Variants in SLC12A7 observed in about 807,000 individuals in gnomAD.
The protein encoded by SLC12A7 is solute carrier family 12 member 7.
In SLC12A7, 100 loss-of-function variants were observed where a neutral mutation model predicts 120.6. The observed-to-expected ratio is 0.83, with a 90% CI of 0.71 to 0.98. The LOEUF (loss-of-function observed/expected upper bound fraction) is 0.98, where lower values mean the gene tolerates loss of function less well. Among genes scored for constraint, SLC12A7 ranks in the 50% least tolerant of loss-of-function variants. SLC12A7 has a pLI of 0.00. For synonymous variants in SLC12A7, 760 were observed against 678.0 expected, an observed-to-expected ratio of 1.12 and a Z score of -1.88; for missense variants, 1,373 against 1,548.1, an observed-to-expected ratio of 0.89 and a Z score of 1.90.
intron 1 of SLC12A7, among the ~76,000 whole-genome samples, chr5:1,102,622 C>CG (rs1237048345): frequency 2.0e-5 from 3 of 152,206 alleles, no homozygotes; most frequent in African/African-American, 7.2e-5. Flanking sequence ...AGAGCAGTGG[C>CG]GGGTGGCACC....
At chr5:1,098,778 T>TCTAACCCTCTGCA (rs1741667557) in intron 1 of SLC12A7, among the ~76,000 whole-genome samples, 1 of 26,684 alleles carries the variant, frequency 3.7e-5, no homozygotes, top group African/African-American at 2.1e-4. Context: ...AACCCTCTGC[T>TCTAACCCTCTGCA]CACCCAGCCA....
At chr5:1,140,721 C>T in the SLC12A7 span, among the ~76,000 whole-genome samples, 2 of 152,266 alleles carry the variant, frequency 1.3e-5, no homozygotes. Flanking sequence ...GAGCCCAGGG[C>T]CCCGGGGAGG....
the SLC12A7 span, among the ~76,000 whole-genome samples, chr5:1,127,832 A>G: frequency 2.6e-5 from 4 of 152,318 alleles, no homozygotes; most frequent in African/African-American, 9.6e-5. Flanking sequence ...AGTTACATTG[A>G]AGTCTTTCAG....
At chr5:1,112,871 T>TTCC (rs1491388985), upstream of SLC12A7, among the ~76,000 whole-genome samples, 4 of 112,058 alleles carry the variant, frequency 3.6e-5, no homozygotes, top group East Asian at 1.2e-3. Context: ...GTAGAGGGAG[T>TTCC]CCCCCCCCCC....
At chr5:1,117,226 G>A in the SLC12A7 span, among the ~76,000 whole-genome samples, 34 of 152,250 alleles carry the variant, frequency 2.2e-4, no homozygotes, top group South Asian at 3.7e-3. The surrounding 1 kb of genome is among the most constrained non-coding windows in gnomAD (Gnocchi z 4.5). Flanking sequence ...TGCAGCCTTC[G>A]CTGGGGAGGC....
intron 3 of SLC12A7, among the ~76,000 whole-genome samples, chr5:1,091,067 T>G (rs1352896673): frequency 6.6e-6 from 1 of 151,998 alleles, no homozygotes; most frequent in Non-Finnish European, 1.5e-5. Flanking sequence ...ACAGGCCTGC[T>G]GGGGTCACGG....
chr5:1,062,412 G>A (rs1440014491), intron 20 of SLC12A7, among the ~76,000 whole-genome samples: 1 of 152,174 alleles, frequency 6.6e-6, no homozygotes. Context: ...CATCGTCCCC[G>A]AAGACACAGC....
chr5:1,113,583 C>T (rs1743193369), upstream of SLC12A7, among the ~76,000 whole-genome samples: 5 of 152,268 alleles, frequency 3.3e-5, no homozygotes, highest in South Asian at 8.3e-4. Context: ...GTGCCTGCTC[C>T]ACACTCTCAC....
In SLC12A7 at chr5:1,087,142, G is replaced by C. The variant is rs1739955525; in HGVS notation, c.545-109C>G. Reference sequence around the variant, plus strand: ...CAAAGGAGGGCCTGTCTCTGCGAAGGCAGCGTGTAGACCCTCGTCCACCCG... The same window carrying C: ...CAAAGGAGGGCCTGTCTCTGCGAAGCCAGCGTGTAGACCCTCGTCCACCCG... On this transcript the variant is annotated intron_variant, in intron 5 of 23. Coordinates refer to ENST00000264930, the MANE Select transcript of SLC12A7 (RefSeq NM_006598.3). 2.9e-6 allele frequency: 4 copies of C among 1,388,204 alleles called. No homozygotes were observed. The South Asian group carries it at 4.3e-5, about 15-fold the overall frequency. The allele number at this position is 1,388,204 out of a possible 1,614,324, so 86.0% of individuals were successfully genotyped here.
chr5:1,060,081 G>A lies in SLC12A7; in HGVS notation c.2847+263C>T, dbSNP rs375344254. Among the ~76,000 whole-genome samples, 7 of 152,224 alleles carry A rather than the reference G, an allele frequency of 4.6e-5. No homozygotes were observed. In the East Asian group the frequency reaches 5.8e-4, roughly 13 times the overall value. ...GGCCCTCGTCCCTTCCTGCACATGA[G>A]CATGCATCTGGCAGGCTGCCGTTCC... is the stretch of plus-strand genomic sequence containing the variant. On this transcript the variant is annotated intron_variant, in intron 21 of 23. Coordinates refer to ENST00000264930, the MANE Select transcript of SLC12A7 (RefSeq NM_006598.3).
At position 1,079,545 on chromosome 5, in the gene SLC12A7, A is replaced by G. The variant is rs751187835; in HGVS notation, c.1298-49T>C. On this transcript the variant is annotated intron_variant, in intron 9 of 23. Transcript: ENST00000264930. ...AAGACCCATCTGAGGAGTCAGTGCC[A>G]TGTGATGGCAGCCCCTGCCCAGAAA... 5 of 1,445,170 alleles carry G rather than the reference A, an allele frequency of 3.5e-6. No homozygotes were observed. In the South Asian group the frequency reaches 5.7e-5, roughly 16 times the overall value. The allele number at this position is 1,445,170 out of a possible 1,614,324, so 89.5% of individuals were successfully genotyped here. A position where few individuals can be genotyped will look rare whatever the true frequency, so the allele number is the denominator to read the frequency against.
chr5:1,134,331 G>A, the SLC12A7 span, among the ~76,000 whole-genome samples: 2 of 152,076 alleles, frequency 1.3e-5, no homozygotes, highest in Non-Finnish European at 2.9e-5. Context: ...TCAGCCGGGT[G>A]TGGTGGCACA....
the SLC12A7 span, among the ~76,000 whole-genome samples, chr5:1,129,367 C>T: frequency 7.2e-5 from 11 of 152,232 alleles, no homozygotes; most frequent in Non-Finnish European, 1.5e-4. Context: ...TTAGCAGCCA[C>T]CCAAGGCAAG....
the SLC12A7 span, among the ~76,000 whole-genome samples, chr5:1,140,614 T>C: frequency 6.6e-6 from 1 of 152,092 alleles, no homozygotes; most frequent in African/African-American, 2.4e-5. Flanking sequence ...AATCCCGGAG[T>C]TCCCCGTGCT....
At chr5:1,104,042 T>C (rs1742270899) in intron 1 of SLC12A7, among the ~76,000 whole-genome samples, 1 of 152,150 alleles carries the variant, frequency 6.6e-6, no homozygotes, top group Admixed American at 6.5e-5. Flanking sequence ...GCGGCTCCTG[T>C]TACAGGCTGC....
the SLC12A7 span, among the ~76,000 whole-genome samples, chr5:1,151,637 C>CGACAGGCT: frequency 9.9e-5 from 15 of 152,018 alleles, no homozygotes; most frequent in African/African-American, 3.6e-4. This position sits in a 1 kb window ranked among gnomAD's most constrained non-coding sequence, Gnocchi z 6.2. Context: ...CAGAAGGGTC[C>CGACAGGCT]GACAGGCTGA....
intron 1 of SLC12A7, among the ~76,000 whole-genome samples, chr5:1,106,670 C>T (rs1742556354): frequency 6.6e-6 from 1 of 152,120 alleles, no homozygotes; most frequent in Admixed American, 6.5e-5. Context: ...TGCCCAAGGA[C>T]AGCAGCCCTG....
In SLC12A7 at chr5:1,052,434, C is replaced by A; in HGVS notation, c.3178G>T (p.Val1060Phe). The change falls in exon 24 of 24, where the codon GTC becomes TTC. Residue 1060 changes from valine to phenylalanine, a missense_variant. By Grantham distance (50) the Val-to-Phe change is conservative. Transcript: ENST00000264930. ...GDENYMEFLE[V>F]LTEGLNRVLL... ...ACTCTGTTCAGCCCCTCGGTCAGGA[C>A]TTCAAGAAACTCCATGTCTGTGGTC... 1 of 1,612,856 alleles carries A rather than the reference C, an allele frequency of 6.2e-7. No individual in the cohort carries two copies. The highest frequency in any genetic ancestry group is 8.5e-7 in the Non-Finnish European group (1 of 1,179,942).
the SLC12A7 span, among the ~76,000 whole-genome samples, chr5:1,128,262 G>T: frequency 6.6e-6 from 1 of 152,218 alleles, no homozygotes; most frequent in Non-Finnish European, 1.5e-5. Flanking sequence ...GATCCAAGTT[G>T]CCAGGTAAAC....
Sources: gnomAD v4.1 joint callset for allele counts (sites outside exome capture counted in the v4.1 genomes callset) on GRCh38, gnomAD v4.1.1 for gene constraint, Gnocchi (gnomAD v3.1) non-coding constraint, MANE v1.5 for transcripts, NCBI Gene and HGNC (gene_info 2026-07-23, HGNC 2026-07-21) for gene names.